DCC: variants seen among roughly 807,000 people sequenced by gnomAD.
DCC encodes DCC netrin 1 receptor.
DCC carries 58 observed loss-of-function variants against 172.5 expected under a neutral mutation model. The observed-to-expected ratio is 0.34, with a 90% CI of 0.27 to 0.42. The LOEUF (loss-of-function observed/expected upper bound fraction) is 0.42, where lower values mean the gene tolerates loss of function less well. Among genes scored for constraint, DCC ranks in the 10% least tolerant of loss-of-function variants. The pLI, the probability that DCC is intolerant of heterozygous loss-of-function variation, is 1.00. For synonymous variants in DCC, 709 were observed against 644.5 expected, an observed-to-expected ratio of 1.10 and a Z score of -1.52; for missense variants, 1,740 against 1,791.0, an observed-to-expected ratio of 0.97 and a Z score of 0.51.
chr18:52,748,015 C>G (rs1157057899), intron 1 of DCC, among the ~76,000 whole-genome samples: 1 of 152,224 alleles, frequency 6.6e-6, no homozygotes, highest in Non-Finnish European at 1.5e-5. Flanking sequence ...CCCACTCAGT[C>G]TGACAGGCTG....
chr18:52,862,140 T>G (rs1440642635), intron 2 of DCC, among the ~76,000 whole-genome samples: 2 of 152,152 alleles, frequency 1.3e-5, no homozygotes, highest in East Asian at 1.9e-4. Context: ...ACTCCATATT[T>G]TGACAATGCT....
At chr18:52,605,568 G>A (rs147544539) in intron 1 of DCC, among the ~76,000 whole-genome samples, 74 of 152,234 alleles carry the variant, frequency 4.9e-4, no homozygotes, top group African/African-American at 1.4e-3. Context: ...GCTCAGTAGC[G>A]GATAGAGAAC....
At chr18:52,534,593 G>T (rs1312439180) in intron 1 of DCC, among the ~76,000 whole-genome samples, 1 of 152,212 alleles carries the variant, frequency 6.6e-6, no homozygotes, top group East Asian at 1.9e-4. Context: ...GCCCGCAGTA[G>T]GTGCTGTGAT....
chr18:53,053,537 T>C (rs1209175473), intron 5 of DCC, among the ~76,000 whole-genome samples: 1 of 152,106 alleles, frequency 6.6e-6, no homozygotes, highest in Non-Finnish European at 1.5e-5. Context: ...TAATAAGAAA[T>C]GGGAAAAACA....
intron 12 of DCC, 78 bp from the exon 13 acceptor site, chr18:53,305,500 C>T (rs186459846): frequency 1.7e-5 from 20 of 1,206,940 alleles, no homozygotes; most frequent in Admixed American, 5.1e-5. Context: ...TTCACACTTA[C>T]GTTTGGGTTA....
chr18:52,407,297 A>G (rs1986687351), intron 1 of DCC, among the ~76,000 whole-genome samples: 1 of 152,064 alleles, frequency 6.6e-6, no homozygotes, highest in African/African-American at 2.4e-5. Flanking sequence ...TCCTGAGGTA[A>G]ATATGAGATA....
At chr18:52,752,954 G>T (rs2037020140) in intron 2 of DCC, among the ~76,000 whole-genome samples, 1 of 151,744 alleles carries the variant, frequency 6.6e-6, no homozygotes, top group Non-Finnish European at 1.5e-5. Context: ...AGGCTGAATA[G>T]TATTCCATTG....
intron 12 of DCC, among the ~76,000 whole-genome samples, chr18:53,240,238 G>A (rs1046850934): frequency 6.6e-6 from 1 of 151,874 alleles, no homozygotes; most frequent in Admixed American, 6.6e-5. Flanking sequence ...TTATAGACAT[G>A]CTCATATTTA....
rs141723791 is a variant in DCC at position 53,276,666 on chromosome 18, G to C, written c.1912-28912G>C. On this transcript the variant is annotated intron_variant, in intron 12 of 28. Transcript: ENST00000442544. Reference sequence around the variant, plus strand: ...CAGATGGAAATGAAGGGAAGGGTCTGAGATATATCTAGAAAGTAAAATCCA... The same window carrying C: ...CAGATGGAAATGAAGGGAAGGGTCTCAGATATATCTAGAAAGTAAAATCCA... 2.4e-3 allele frequency among the ~76,000 whole-genome samples: 369 copies of C among 152,268 alleles called. 1 individual carries two copies. The highest frequency in any genetic ancestry group is 8.7e-3 in the African/African-American group (362 of 41,574).
At chr18:52,941,775 A>T (rs1470422797) in intron 5 of DCC, among the ~76,000 whole-genome samples, 5 of 151,760 alleles carry the variant, frequency 3.3e-5, no homozygotes, top group Admixed American at 1.3e-4. Context: ...TCTGATGTTT[A>T]TTTTTTTATT....
chr18:52,723,759 G>A (rs1459666772), intron 1 of DCC, among the ~76,000 whole-genome samples: 3 of 152,160 alleles, frequency 2.0e-5, no homozygotes, highest in Non-Finnish European at 4.4e-5. Context: ...ATATCCCAGA[G>A]TAAGGAATTG....
At chr18:53,220,138 A>T (rs778704236) in intron 12 of DCC, among the ~76,000 whole-genome samples, 10 of 152,068 alleles carry the variant, frequency 6.6e-5, no homozygotes, top group Non-Finnish European at 1.3e-4. Context: ...GAGGCAAGGA[A>T]AAAATGTGAG....
intron 1 of DCC, among the ~76,000 whole-genome samples, chr18:52,479,066 A>T (rs1375706938): frequency 1.3e-5 from 2 of 152,194 alleles, no homozygotes; most frequent in Non-Finnish European, 2.9e-5. Flanking sequence ...TGGACAAGTT[A>T]GTTACATTTT....
At chr18:52,977,894 AAGAAAAG>A (rs2041147988) in intron 5 of DCC, among the ~76,000 whole-genome samples, 1 of 147,590 alleles carries the variant, frequency 6.8e-6, no homozygotes, top group African/African-American at 2.5e-5. Flanking sequence ...CAAAAAAAAA[AAGAAAAG>A]AAAAAAGAAA....
At chr18:52,455,832 A>G (rs1464075130) in intron 1 of DCC, among the ~76,000 whole-genome samples, 2 of 152,206 alleles carry the variant, frequency 1.3e-5, no homozygotes, top group Non-Finnish European at 2.9e-5. Context: ...CATCCAATGA[A>G]TGTTAGCAAA....
intron 5 of DCC, among the ~76,000 whole-genome samples, chr18:52,937,586 T>C (rs2040399159): frequency 6.6e-6 from 1 of 152,122 alleles, no homozygotes; most frequent in Non-Finnish European, 1.5e-5. Context: ...CTCTGCTCAC[T>C]GCTATCTCCG....
chr18:52,486,249 A>G (rs550484055), intron 1 of DCC, among the ~76,000 whole-genome samples: 1 of 152,136 alleles, frequency 6.6e-6, no homozygotes, highest in Non-Finnish European at 1.5e-5. Flanking sequence ...AGAGCATCCC[A>G]TGGTTACTGA....
intron 5 of DCC, among the ~76,000 whole-genome samples, chr18:53,025,483 T>A (rs984764296): frequency 6.6e-6 from 1 of 152,122 alleles, no homozygotes; most frequent in African/African-American, 2.4e-5. Flanking sequence ...TGATGTAATC[T>A]GACTTGAGGC....
At chr18:52,422,466 C>A (rs1360135388) in intron 1 of DCC, among the ~76,000 whole-genome samples, 1 of 152,290 alleles carries the variant, frequency 6.6e-6, no homozygotes, top group South Asian at 2.1e-4. Flanking sequence ...CATTTATCTT[C>A]TGTATTCAAT....
Sources: gnomAD v4.1 joint callset for allele counts (sites outside exome capture counted in the v4.1 genomes callset) on GRCh38, gnomAD v4.1.1 for gene constraint, MANE v1.5 for transcripts, NCBI Gene and HGNC (gene_info 2026-07-23, HGNC 2026-07-21) for gene names.